Variants in FHOD3 observed in about 807,000 individuals in gnomAD.
The protein encoded by FHOD3 is formin homology 2 domain containing 3, also known as FH1/FH2 domain-containing protein 3.
In FHOD3, 90 loss-of-function variants were observed where a neutral mutation model predicts 173.0. The ratio of observed to expected loss-of-function variants is 0.52; its 90% CI spans 0.44 to 0.62. The LOEUF is 0.62. FHOD3 is among the 20% of genes least tolerant of loss of function. FHOD3 has a pLI of 0.00. For missense variants in FHOD3, 1,945 were observed against 2,034.7 expected, an observed-to-expected ratio of 0.96 and a Z score of 0.85; for synonymous variants, 828 against 823.0, an observed-to-expected ratio of 1.01 and a Z score of -0.10.
intron 3 of FHOD3, among the ~76,000 whole-genome samples, chr18:36,408,080 C>A (rs933776633): frequency 6.6e-6 from 1 of 152,180 alleles, no homozygotes; most frequent in Non-Finnish European, 1.5e-5. Context: ...AGACCGCCTT[C>A]CAGAGCCCTT....
At chr18:36,706,736 T>C (rs79108873) in intron 17 of FHOD3, among the ~76,000 whole-genome samples, 1,826 of 152,306 alleles carry the variant, frequency 0.012, 35 homozygotes, top group African/African-American at 0.042. Context: ...TGACCCCATG[T>C]CCCTGTCTGT....
intron 5 of FHOD3, among the ~76,000 whole-genome samples, chr18:36,527,770 A>G (rs924067425): frequency 4.0e-5 from 6 of 151,874 alleles, no homozygotes; most frequent in African/African-American, 7.2e-5. Context: ...TTCTGGATCT[A>G]TATTTGGGTG....
rs558602417 is a variant in FHOD3 at position 36,652,864 on chromosome 18, C to G, written c.1581C>G (p.Ser527=). 27 of 1,535,996 alleles carry G rather than the reference C, an allele frequency of 1.8e-5. No individual in the cohort carries two copies. The African/African-American group carries it at 3.1e-4, about 18-fold the overall frequency. ...YVPHSPFHLF[S]YDFEDSSLST... is the part of the protein sequence containing the mutation. Reference sequence around the variant, plus strand: ...CCCACAGCCCCTTCCACCTCTTCTCCTATGACTTTGAGGACTCCTCCCTGT... The same window carrying G: ...CCCACAGCCCCTTCCACCTCTTCTCGTATGACTTTGAGGACTCCTCCCTGT... Residue 527 remains serine (S), a synonymous_variant, in exon 12 of 29, where the codon TCC becomes TCG. Coordinates refer to ENST00000590592, the MANE Select transcript of FHOD3 (RefSeq NM_001281740.3).
intron 5 of FHOD3, among the ~76,000 whole-genome samples, chr18:36,566,435 C>G (rs2058267047): frequency 6.6e-6 from 1 of 152,104 alleles, no homozygotes; most frequent in African/African-American, 2.4e-5. Context: ...GGTTTCAAGT[C>G]AAAGCCTTCA....
chr18:36,567,102 T>C (rs1249779912), intron 5 of FHOD3, among the ~76,000 whole-genome samples: 1 of 152,154 alleles, frequency 6.6e-6, no homozygotes, highest in Non-Finnish European at 1.5e-5. Flanking sequence ...CCTTAGGACC[T>C]ACTGAGGTAG....
intron 18 of FHOD3, chr18:36,709,618 A>C (rs1044182890): frequency 1.7e-5 from 9 of 542,096 alleles, no homozygotes; most frequent in Non-Finnish European, 2.9e-5. Flanking sequence ...CTGCCACACC[A>C]TCACATTCAT....
At chr18:36,710,020 A>G (rs1275226923) in intron 18 of FHOD3, 3 of 152,160 alleles carry the variant, frequency 2.0e-5, no homozygotes, top group Non-Finnish European at 4.4e-5. Context: ...GCTTTTCCTT[A>G]TGGAAGTATA....
intron 14 of FHOD3, among the ~76,000 whole-genome samples, chr18:36,675,977 T>A (rs2037831648): frequency 6.6e-6 from 1 of 152,238 alleles, no homozygotes; most frequent in African/African-American, 2.4e-5. Context: ...ATATTTGATA[T>A]ACAAGTTAAT....
chr18:36,396,356 CT>C (rs2048554954), intron 3 of FHOD3, among the ~76,000 whole-genome samples: 2 of 152,104 alleles, frequency 1.3e-5, no homozygotes, highest in Non-Finnish European at 2.9e-5. Context: ...TCAGGGACCC[CT>C]GTTAGGTGTG....
chr18:36,478,422 A>G (rs2053704848), intron 3 of FHOD3, among the ~76,000 whole-genome samples: 1 of 152,188 alleles, frequency 6.6e-6, no homozygotes, highest in Non-Finnish European at 1.5e-5. Flanking sequence ...AAACAATCCA[A>G]TCATACTCTT....
chr18:36,592,368 C>T (rs1397933393), intron 6 of FHOD3, among the ~76,000 whole-genome samples: 1 of 152,202 alleles, frequency 6.6e-6, no homozygotes, highest in Non-Finnish European at 1.5e-5. Flanking sequence ...GGCTTTCAGG[C>T]AGAAGGAATA....
chr18:36,490,643 G>T (rs1489813807), intron 3 of FHOD3, among the ~76,000 whole-genome samples: 1 of 152,164 alleles, frequency 6.6e-6, no homozygotes, highest in Non-Finnish European at 1.5e-5. Context: ...ACCTTTCTGG[G>T]TTTCAGCTCC....
chr18:36,748,360 ACGCG>A, intron 24 of FHOD3, among the ~76,000 whole-genome samples: 2 of 141,046 alleles, frequency 1.4e-5, no homozygotes, highest in African/African-American at 5.7e-5. Flanking sequence ...AAATACACGC[ACGCG>A]CACACACACA....
intron 6 of FHOD3, among the ~76,000 whole-genome samples, chr18:36,577,549 C>T (rs1568449492): frequency 6.6e-6 from 1 of 152,200 alleles, no homozygotes; most frequent in South Asian, 2.1e-4. Flanking sequence ...GATCCACCTG[C>T]CTTGGCCTCT....
At chr18:36,690,230 C>T (rs1333729546) in intron 16 of FHOD3, among the ~76,000 whole-genome samples, 1 of 152,192 alleles carries the variant, frequency 6.6e-6, no homozygotes, top group Non-Finnish European at 1.5e-5. Flanking sequence ...ACTTGACAAA[C>T]ATTCAATAAA....
chr18:36,441,091 A>G (rs528318507), intron 3 of FHOD3, among the ~76,000 whole-genome samples: 88 of 152,236 alleles, frequency 5.8e-4, no homozygotes, highest in African/African-American at 2.1e-3. Flanking sequence ...CCTCAGTTCC[A>G]GGAGGATAGT....
intron 1 of FHOD3, among the ~76,000 whole-genome samples, chr18:36,352,437 G>A (rs1450045815): frequency 1.3e-5 from 2 of 152,148 alleles, no homozygotes; most frequent in Non-Finnish European, 2.9e-5. Context: ...AGATCTGTGT[G>A]GTAGAAATGC....
intron 28 of FHOD3, among the ~76,000 whole-genome samples, chr18:36,772,993 A>G (rs2043457564): frequency 2.6e-5 from 4 of 152,228 alleles, no homozygotes; most frequent in Admixed American, 2.0e-4. Context: ...AGTCCAAGAG[A>G]GAACTGAGGT....
chr18:36,779,396 A>T (rs1238569423), intron 28 of FHOD3, 52 bp from the exon 29 acceptor site: 19 of 1,569,700 alleles, frequency 1.2e-5, no homozygotes, highest in Non-Finnish European at 1.7e-5. Context: ...CTTGCTGCTC[A>T]TACTTCCTTT....
Sources: allele counts gnomAD v4.1 joint callset (sites outside exome capture counted in the v4.1 genomes callset), GRCh38; gene constraint gnomAD v4.1.1; transcripts MANE v1.5; gene names NCBI Gene and HGNC (gene_info 2026-07-23, HGNC 2026-07-21).